Variants in PAX5 observed in about 807,000 individuals in gnomAD.
PAX5 encodes the protein paired box 5.
In PAX5, 9 loss-of-function variants were observed where a neutral mutation model predicts 43.7. The ratio of observed to expected loss-of-function variants is 0.21; its 90% CI spans 0.12 to 0.36. The LOEUF is 0.36. PAX5 is among the 10% of genes least tolerant of loss of function. The pLI is 1.00. For synonymous variants in PAX5, 228 were observed against 214.3 expected, an observed-to-expected ratio of 1.06 and a Z score of -0.56; for missense variants, 383 against 532.7, an observed-to-expected ratio of 0.72 and a Z score of 2.77.
intron 1 of PAX5, 149 bp from the exon 2 acceptor site, chr9:37,020,950 A>G (rs1839799523): frequency 9.9e-6 from 7 of 708,182 alleles, no homozygotes; most frequent in East Asian, 2.7e-5. Flanking sequence ...CGTGCAAACT[A>G]CACGAAGTCC....
chr9:36,900,761 C>T (rs1828314200), intron 7 of PAX5, among the ~76,000 whole-genome samples: 1 of 152,186 alleles, frequency 6.6e-6, no homozygotes, highest in African/African-American at 2.4e-5. Flanking sequence ...CACATCCTCC[C>T]ACCACCTGTG....
At chr9:36,905,084 G>A (rs941997239) in intron 7 of PAX5, among the ~76,000 whole-genome samples, 4 of 152,228 alleles carry the variant, frequency 2.6e-5, no homozygotes, top group African/African-American at 9.6e-5. Context: ...CTTGGGGAGT[G>A]CTCCAAGGAG....
At chr9:36,917,525 A>G (rs1829817857) in intron 7 of PAX5, among the ~76,000 whole-genome samples, 2 of 152,254 alleles carry the variant, frequency 1.3e-5, no homozygotes, top group South Asian at 4.1e-4. Context: ...AAAAAGCTCT[A>G]TGTAGCCCCA....
intron 3 of PAX5, among the ~76,000 whole-genome samples, chr9:37,012,322 C>T (rs964175400): frequency 1.3e-5 from 2 of 152,320 alleles, no homozygotes; most frequent in East Asian, 3.9e-4. Flanking sequence ...CGTTGGGAAA[C>T]CTGGGTTCTA....
chr9:36,996,783 G>A (rs1588175921), intron 5 of PAX5, among the ~76,000 whole-genome samples: 1 of 152,214 alleles, frequency 6.6e-6, no homozygotes, highest in East Asian at 1.9e-4. Context: ...GGCTGAGGGG[G>A]CGTCCAGCCT....
At chr9:36,855,380 G>A (rs1236703820) in intron 8 of PAX5, among the ~76,000 whole-genome samples, 1 of 152,194 alleles carries the variant, frequency 6.6e-6, no homozygotes, top group Non-Finnish European at 1.5e-5. Flanking sequence ...TGAGATCCCT[G>A]GCTATGCCAT....
In PAX5 at chr9:36,864,513, G is replaced by A. The variant is rs142756670; in HGVS notation, c.1012+17491C>T. On this transcript the variant is annotated intron_variant, in intron 8 of 9. Transcript: ENST00000358127. ...TGTCCAGAGTCCTCATGGGGCCACT[G>A]TCAGAACCCACCAGCTGTGAGGGTC... 6.8e-3 allele frequency among the ~76,000 whole-genome samples: 1,040 copies of A among 152,340 alleles called. 9 individuals carry two copies. Among genetic ancestry groups the A allele is most frequent in the African/African-American group, 0.022 (935 of 41,580 alleles).
chr9:36,843,330 C>T (rs1191372204), intron 9 of PAX5, among the ~76,000 whole-genome samples: 8 of 152,036 alleles, frequency 5.3e-5, no homozygotes, highest in East Asian at 1.9e-4. Context: ...CAGGGCGGGC[C>T]GGGAGAGGTG....
intron 6 of PAX5, among the ~76,000 whole-genome samples, chr9:36,947,399 A>T (rs1832623211): frequency 6.6e-6 from 1 of 152,028 alleles, no homozygotes; most frequent in Admixed American, 6.6e-5. Flanking sequence ...TTGTTTATTT[A>T]TTTTTTATTT....
At chr9:36,881,477 T>TG (rs1356310700) in intron 8 of PAX5, among the ~76,000 whole-genome samples, 4 of 152,054 alleles carry the variant, frequency 2.6e-5, no homozygotes, top group Non-Finnish European at 5.9e-5. Flanking sequence ...ATCACCGGCC[T>TG]GGGGGGATCA....
At chr9:36,885,754 G>A (rs1474819006) in intron 7 of PAX5, among the ~76,000 whole-genome samples, 1 of 152,156 alleles carries the variant, frequency 6.6e-6, no homozygotes, top group East Asian at 1.9e-4. Context: ...GAAGCGCATG[G>A]CACAGTGTGG....
chr9:36,910,626 G>T (rs554342146), intron 7 of PAX5, among the ~76,000 whole-genome samples: 1 of 152,332 alleles, frequency 6.6e-6, no homozygotes, highest in East Asian at 1.9e-4. Context: ...AAGCATAGAT[G>T]CCCGCCTGGA....
intron 7 of PAX5, among the ~76,000 whole-genome samples, chr9:36,922,493 A>G (rs1830252625): frequency 6.6e-6 from 1 of 152,106 alleles, no homozygotes. Context: ...ACGTTACCCC[A>G]GCACAGCTGG....
chr9:36,884,636 G>C (rs1238131396), intron 7 of PAX5, among the ~76,000 whole-genome samples: 1 of 152,182 alleles, frequency 6.6e-6, no homozygotes, highest in Non-Finnish European at 1.5e-5. Context: ...GTTTTAGCCA[G>C]TACAATACGA....
In PAX5 at chr9:37,016,755, GA is replaced by G. The variant is rs542697866; in HGVS notation, c.213-1562del. 1.9e-4 allele frequency among the ~76,000 whole-genome samples: 29 copies of G among 152,314 alleles called. No individual in the cohort carries two copies. The South Asian group carries it at 6.0e-3, about 32-fold the overall frequency. Reference sequence around the variant, plus strand: ...TAACAAGAGTTGATGATAGGTAAGGGAACGAGGTGATTCTGAGATGGGTAGA... The same window carrying G: ...TAACAAGAGTTGATGATAGGTAAGGGACGAGGTGATTCTGAGATGGGTAGA... On this transcript the variant is annotated intron_variant, in intron 2 of 9. Transcript: ENST00000358127.
intron 7 of PAX5, among the ~76,000 whole-genome samples, chr9:36,902,089 T>A (rs1828449165): frequency 6.6e-6 from 1 of 151,270 alleles, no homozygotes; most frequent in Non-Finnish European, 1.5e-5. Flanking sequence ...GCTGTCCCTA[T>A]CCCCCCTCCC....
chr9:36,871,627 A>G (rs1825504202), intron 8 of PAX5, among the ~76,000 whole-genome samples: 1 of 152,250 alleles, frequency 6.6e-6, no homozygotes, highest in Non-Finnish European at 1.5e-5. Flanking sequence ...AAACACCATT[A>G]GTAGAAGGAC....
intron 7 of PAX5, among the ~76,000 whole-genome samples, chr9:36,889,802 A>G (rs1827214699): frequency 1.3e-5 from 2 of 152,210 alleles, no homozygotes; most frequent in Admixed American, 1.3e-4. Flanking sequence ...TTCTCTTCGC[A>G]TCAGCGTCTC....
chr9:36,888,196 T>C (rs4509417), intron 7 of PAX5, among the ~76,000 whole-genome samples: 124,550 of 152,176 alleles, frequency 0.82, 52,119 homozygotes, highest in Non-Finnish European at 0.91. Flanking sequence ...ATGGTACAGC[T>C]GCTTTGGAAA....
Sources: gnomAD v4.1 joint callset for allele counts (sites outside exome capture counted in the v4.1 genomes callset) on GRCh38, gnomAD v4.1.1 for gene constraint, MANE v1.5 for transcripts, NCBI Gene and HGNC (gene_info 2026-07-23, HGNC 2026-07-21) for gene names.